The following RBPMS variants were observed in gnomAD, a reference collection of about 807,000 sequenced individuals.
RBPMS encodes RNA binding protein, mRNA processing factor.
In RBPMS, 7 loss-of-function variants were observed where a neutral mutation model predicts 26.8. That is an observed-to-expected ratio of 0.26 (90% CI 0.15 to 0.49). RBPMS has a LOEUF of 0.49. Ranked by LOEUF, RBPMS falls within the 20% of genes least tolerant of loss-of-function variation. RBPMS has a pLI of 0.98. For synonymous variants in RBPMS, 96 were observed against 93.3 expected (o/e 1.03, Z -0.17); for missense variants, 186 against 250.0 (o/e 0.74, Z 1.73).
chr8:30,563,689 T>C (rs1827679146), intron 7 of RBPMS, among the ~76,000 whole-genome samples: 1 of 152,198 alleles, frequency 6.6e-6, no homozygotes, highest in Non-Finnish European at 1.5e-5. Flanking sequence ...TGGCCTTGCC[T>C]GTCTTTGGCT....
At chr8:30,519,842 C>A (rs1197775893) in intron 5 of RBPMS, among the ~76,000 whole-genome samples, 1 of 152,054 alleles carries the variant, frequency 6.6e-6, no homozygotes, top group Non-Finnish European at 1.5e-5. Context: ...TGCCAGCCTT[C>A]CTGGGAAAAG....
chr8:30,468,669 T>C (rs1816770359), intron 1 of RBPMS, among the ~76,000 whole-genome samples: 1 of 152,192 alleles, frequency 6.6e-6, no homozygotes, highest in Non-Finnish European at 1.5e-5. Flanking sequence ...ACTCTGTGCC[T>C]AGGACTGTGT....
intron 4 of RBPMS, among the ~76,000 whole-genome samples, chr8:30,489,540 G>T: frequency 6.6e-6 from 1 of 152,058 alleles, no homozygotes; most frequent in East Asian, 1.9e-4. Flanking sequence ...TGCCTCCCAG[G>T]TTCAAGGTAT....
Position 30,423,352 on chromosome 8 carries a change from T to G in RBPMS, c.66+38194T>G, listed in dbSNP as rs114380313. On this transcript the variant is annotated intron_variant, in intron 1 of 8. Coordinates refer to ENST00000397323, the MANE Select transcript of RBPMS (RefSeq NM_001008710.3). ...AGTTCTGCTTTTGCTTGAAGACCTG[T>G]CTGGCAGGGCTTGGCACCTCTTTCC... 8.8e-3 allele frequency among the ~76,000 whole-genome samples: 1,335 copies of G among 152,326 alleles called. 18 individuals are homozygous for G. Among genetic ancestry groups the G allele is most frequent in the African/African-American group, 0.03 (1,262 of 41,568 alleles).
rs1012095912 is a variant in RBPMS at position 30,570,710 on chromosome 8, C to G, written c.*185C>G. The G allele has an allele frequency of 6.6e-6, 1 of 152,362 alleles. No homozygotes were observed. Among genetic ancestry groups the G allele is most frequent in the Non-Finnish European group, 1.5e-5 (1 of 67,992 alleles). The allele number at this position is 152,362 out of a possible 1,614,324, so 9.4% of individuals were successfully genotyped here. A position where few individuals can be genotyped will look rare whatever the true frequency, so the allele number is the denominator to read the frequency against. On this transcript the variant is annotated 3_prime_UTR_variant, in exon 9 of 9. Coordinates refer to ENST00000397323, the MANE Select transcript of RBPMS (RefSeq NM_001008710.3). ...GCCTCTATCACACATCTGTTTTTCT[C>G]GAAGAAAAAAATATAATTAATAAAA...
At chr8:30,570,015 G>A (rs1162926876) in intron 8 of RBPMS, among the ~76,000 whole-genome samples, 5 of 152,062 alleles carry the variant, frequency 3.3e-5, no homozygotes, top group Admixed American at 6.6e-5. Flanking sequence ...TCATACTGTC[G>A]TCCAAAAACT....
chr8:30,445,246 C>G (rs1355551598), intron 1 of RBPMS: 1 of 152,116 alleles, frequency 6.6e-6, no homozygotes. Flanking sequence ...TAAGCCTGAT[C>G]AAAAGGACAA....
intron 4 of RBPMS, among the ~76,000 whole-genome samples, chr8:30,494,816 A>G (rs1819756980): frequency 6.6e-6 from 1 of 152,178 alleles, no homozygotes; most frequent in South Asian, 2.1e-4. Context: ...TAATCCTTCT[A>G]GGTTCGGGGG....
At chr8:30,423,024 G>A (rs539103535) in intron 1 of RBPMS, among the ~76,000 whole-genome samples, 11 of 152,296 alleles carry the variant, frequency 7.2e-5, no homozygotes, top group African/African-American at 2.6e-4. Context: ...CCCAAGTGGG[G>A]TTGAGAACCA....
rs1180551030 is a variant in RBPMS at position 30,437,425 on chromosome 8, C to T, written c.67-37354C>T. Among the ~76,000 whole-genome samples the T allele has an allele frequency of 1.2e-4, 18 of 151,540 alleles. No homozygotes were observed. The South Asian group carries it at 2.9e-3, about 25-fold the overall frequency. On this transcript the variant is annotated intron_variant, in intron 1 of 8. Transcript: ENST00000397323. ...ATCCCAGCACTTTGGGAGGCTGAGG[C>T]AACAGGATCATTTGAGGTTAGGAGT...
At chr8:30,553,400 C>G (rs1255360728) in intron 6 of RBPMS, 1 of 152,236 alleles carries the variant, frequency 6.6e-6, no homozygotes, top group Admixed American at 6.5e-5. Context: ...CACATCATCC[C>G]TCCAGCCTAT....
intron 1 of RBPMS, among the ~76,000 whole-genome samples, chr8:30,467,175 A>C (rs1401652233): frequency 6.6e-6 from 1 of 152,180 alleles, no homozygotes; most frequent in South Asian, 2.1e-4. Flanking sequence ...ATCCATTTTC[A>C]TGGTGGCAAG....
At chr8:30,446,795 T>TTGTGTGTGTGTG (rs749402868) in intron 1 of RBPMS, 9 of 112,432 alleles carry the variant, frequency 8.0e-5, no homozygotes, top group African/African-American at 1.4e-4. Flanking sequence ...CACACATGGC[T>TTGTGTGTGTGTG]TGTGTGTGTG....
intron 1 of RBPMS, among the ~76,000 whole-genome samples, chr8:30,471,147 C>T (rs1242364490): frequency 1.3e-5 from 2 of 152,062 alleles, no homozygotes; most frequent in South Asian, 2.1e-4. Context: ...TGAGGCTAAA[C>T]GATAGAAACA....
chr8:30,492,962 G>A (rs1267410523), intron 4 of RBPMS, among the ~76,000 whole-genome samples: 2 of 152,086 alleles, frequency 1.3e-5, no homozygotes, highest in Non-Finnish European at 2.9e-5. Context: ...CATTGACAGG[G>A]CATGGTTTCT....
chr8:30,393,924 C>G lies in RBPMS; in HGVS notation c.66+8766C>G, dbSNP rs572878666. On this transcript the variant is annotated intron_variant, in intron 1 of 8. Transcript: ENST00000397323. ...AGGAACTTAAAAAGAAAACAACTTG[C>G]ATTTGTATTTCTCTTAGGTTTTAAC... Among the ~76,000 whole-genome samples, 30 of 129,184 alleles carry G rather than the reference C, an allele frequency of 2.3e-4. 1 individual carries two copies. Among genetic ancestry groups the G allele is most frequent in the African/African-American group, 5.7e-4 (19 of 33,424 alleles). The allele number at this position is 129,184 out of a possible 152,430, so 84.7% of individuals were successfully genotyped here. A position where few individuals can be genotyped will look rare whatever the true frequency, so the allele number is the denominator to read the frequency against.
intron 5 of RBPMS, among the ~76,000 whole-genome samples, chr8:30,534,202 TTG>T (rs1385659687): frequency 6.6e-6 from 1 of 152,286 alleles, no homozygotes; most frequent in East Asian, 1.9e-4. Context: ...CAGTGATGCC[TTG>T]TCAGGAATGT....
At position 30,547,144 on chromosome 8, in the gene RBPMS, G is replaced by A. The variant is rs191000735; in HGVS notation, c.528+2520G>A. 5.1e-4 allele frequency: 318 copies of A among 627,744 alleles called. 1 individual carries two copies. Among genetic ancestry groups the A allele is most frequent in the Middle Eastern group, 8.5e-4 (2 of 2,358 alleles). 38.9% of individuals were successfully genotyped at this position (627,744 alleles called of 1,614,324 possible). On this transcript the variant is annotated intron_variant, in intron 6 of 8. Transcript: ENST00000397323. Reference sequence around the variant, plus strand: ...TTAGTAACTGGAGGCAGAGCAGACTGGAGCCTCTACGGGGCATCTCCCCAT... The same window carrying A: ...TTAGTAACTGGAGGCAGAGCAGACTAGAGCCTCTACGGGGCATCTCCCCAT...
intron 1 of RBPMS, among the ~76,000 whole-genome samples, chr8:30,460,694 A>C (rs2150777899): frequency 6.6e-6 from 1 of 152,348 alleles, no homozygotes; most frequent in East Asian, 1.9e-4. Context: ...GAAAATTATA[A>C]GTTGAAACCT....
Sources: gnomAD v4.1 joint callset for allele counts (sites outside exome capture counted in the v4.1 genomes callset) on GRCh38, gnomAD v4.1.1 for gene constraint, MANE v1.5 for transcripts, NCBI Gene and HGNC (gene_info 2026-07-23, HGNC 2026-07-21) for gene names.